NDUFA9: variants seen among roughly 807,000 people sequenced by gnomAD.
The protein encoded by NDUFA9 is NADH dehydrogenase [ubiquinone] 1 alpha subcomplex subunit 9, mitochondrial.
In NDUFA9, 23 loss-of-function variants were observed where a neutral mutation model predicts 45.9. That is an observed-to-expected ratio of 0.50 (90% CI 0.36 to 0.71). The LOEUF (loss-of-function observed/expected upper bound fraction) is 0.71. Ranked by LOEUF, NDUFA9 falls within the 30% of genes least tolerant of loss-of-function variation. The pLI is 0.00. For synonymous variants in NDUFA9, 176 were observed against 170.5 expected (o/e 1.03, Z -0.25); for missense variants, 466 against 488.2 (o/e 0.95, Z 0.43).
At chr12:4,672,159 A>G (rs1304295395) in intron 8 of NDUFA9, among the ~76,000 whole-genome samples, 4 of 152,168 alleles carry the variant, frequency 2.6e-5, no homozygotes, top group South Asian at 2.1e-4. Flanking sequence ...TCCCTCTCCT[A>G]GCCAAGGGAA....
In NDUFA9 at chr12:4,655,942, AG is replaced by A. The variant is rs144456838; in HGVS notation, c.318+1021del. ...GAGTTGTGCTGCCCCAAATGCCTGC[AG>A]CCAAGCTATTGATTGCGATACTGTC... is the stretch of plus-strand genomic sequence containing the variant. On this transcript the variant is annotated intron_variant, in intron 3 of 10. Coordinates refer to ENST00000266544, the MANE Select transcript of NDUFA9 (RefSeq NM_005002.5). 5.3e-5 allele frequency: 8 copies of A among 152,314 alleles called. No homozygotes were observed. The East Asian group carries it at 1.5e-3, about 29-fold the overall frequency. 9.4% of individuals were successfully genotyped at this position (152,314 alleles called of 1,614,324 possible).
rs1270886109 is a variant in NDUFA9 at position 4,691,558 on chromosome 12, G to A, written c.*4450G>A. ...TAGAAGGTCTTGGAGTGAATGGGAG[G>A]TATAGTGGAATGGAGGGCGTATTTG... On this transcript the variant is annotated 3_prime_UTR_variant, in exon 11 of 11. Coordinates refer to ENST00000266544, the MANE Select transcript of NDUFA9 (RefSeq NM_005002.5). The A allele has an allele frequency of 6.6e-6, 1 of 152,244 alleles. No homozygotes were observed. Among genetic ancestry groups the A allele is most frequent in the African/African-American group, 2.4e-5 (1 of 41,456 alleles). 9.4% of individuals were successfully genotyped at this position (152,244 alleles called of 1,614,324 possible). A position where few individuals can be genotyped will look rare whatever the true frequency, so the allele number is the denominator to read the frequency against.
chr12:4,684,863 A>G (rs1945975655), intron 9 of NDUFA9: 1 of 478,692 alleles, frequency 2.1e-6, no homozygotes, highest in African/African-American at 2.0e-5. Context: ...TGTATATTTT[A>G]CACACCATTC....
At position 4,689,806 on chromosome 12, in the gene NDUFA9, C is replaced by T. The variant is rs1165274843; in HGVS notation, c.*2698C>T. 1.7e-5 allele frequency: 3 copies of T among 178,510 alleles called. No individual in the cohort carries two copies. Among genetic ancestry groups the T allele is most frequent in the Non-Finnish European group, 3.4e-5 (3 of 87,102 alleles). The allele number at this position is 178,510 out of a possible 1,614,324, so 11.1% of individuals were successfully genotyped here. A position where few individuals can be genotyped will look rare whatever the true frequency, so the allele number is the denominator to read the frequency against. On this transcript the variant is annotated 3_prime_UTR_variant, in exon 11 of 11. Coordinates refer to ENST00000266544, the MANE Select transcript of NDUFA9 (RefSeq NM_005002.5). ...GTCATCATGGCCCGTTCTCAATGAG[C>T]TGTTGGGTACACCTCCCAGACGTGG...
At chr12:4,669,958 G>A in intron 8 of NDUFA9, 141 bp downstream of exon 8, 1 of 659,592 alleles carries the variant, frequency 1.5e-6, no homozygotes, top group Non-Finnish European at 2.7e-6. Flanking sequence ...AGAATTTGAG[G>A]GAACCTGGAA....
chr12:4,682,124 A>G (rs1239498975), intron 8 of NDUFA9, 81 bp from the exon 9 acceptor site: 3 of 1,084,932 alleles, frequency 2.8e-6, no homozygotes, highest in East Asian at 4.8e-5. Context: ...TTCCTTTTTT[A>G]TAAGGAAAAT....
chr12:4,667,239 C>T (rs529264248), intron 6 of NDUFA9, among the ~76,000 whole-genome samples: 2 of 152,218 alleles, frequency 1.3e-5, no homozygotes, highest in Non-Finnish European at 2.9e-5. Context: ...TAATCCTATT[C>T]ATGAGGGAGC....
chr12:4,661,503 G>T (rs11610038), intron 5 of NDUFA9, among the ~76,000 whole-genome samples: 2,536 of 152,092 alleles, frequency 0.017, 41 homozygotes, highest in Non-Finnish European at 0.025. Context: ...CAAGACAGTG[G>T]GAGTGCATGG....
At chr12:4,678,309 A>G (rs1351499270) in intron 8 of NDUFA9, among the ~76,000 whole-genome samples, 2 of 152,160 alleles carry the variant, frequency 1.3e-5, no homozygotes, top group Admixed American at 6.5e-5. Flanking sequence ...ATTGGTAAAA[A>G]TGTAAAAAAA....
chr12:4,652,099 T>C (rs1945762767), intron 1 of NDUFA9, among the ~76,000 whole-genome samples: 1 of 152,230 alleles, frequency 6.6e-6, no homozygotes, highest in Non-Finnish European at 1.5e-5. Flanking sequence ...AGAACAGTCA[T>C]TTTCCCACCA....
intron 3 of NDUFA9, among the ~76,000 whole-genome samples, chr12:4,656,243 C>T (rs1042735942): frequency 2.0e-5 from 3 of 152,128 alleles, no homozygotes; most frequent in South Asian, 4.1e-4. Flanking sequence ...TTTTCTTCTC[C>T]AAAATCTTAC....
intron 6 of NDUFA9, among the ~76,000 whole-genome samples, chr12:4,666,302 T>C (rs1304580012): frequency 6.6e-6 from 1 of 152,200 alleles, no homozygotes; most frequent in Non-Finnish European, 1.5e-5. Context: ...TTATCAGATA[T>C]GTGATTTGTA....
chr12:4,654,456 C>T lies in NDUFA9; in HGVS notation c.214C>T (p.His72Tyr). ...TGFLGRYVVN[H>Y]LGRMGSQVII... Reference sequence around the variant, plus strand: ...ATTCCTGGGGCGATATGTTGTCAACCACCTTGGTAAGTAAAGTTCCTTAAG... The same window carrying T: ...ATTCCTGGGGCGATATGTTGTCAACTACCTTGGTAAGTAAAGTTCCTTAAG... The change falls in exon 2 of 11, where the codon CAC becomes TAC. Residue 72 changes from histidine to tyrosine, a missense_variant. Coordinates refer to ENST00000266544, the MANE Select transcript of NDUFA9 (RefSeq NM_005002.5). 1 of 1,613,990 alleles carries T rather than the reference C, an allele frequency of 6.2e-7. No homozygotes were observed. Among genetic ancestry groups the T allele is most frequent in the Non-Finnish European group, 8.5e-7 (1 of 1,179,926 alleles).
chr12:4,664,716 G>A (rs1220809657), intron 6 of NDUFA9, among the ~76,000 whole-genome samples: 2 of 152,198 alleles, frequency 1.3e-5, no homozygotes, highest in Non-Finnish European at 2.9e-5. Context: ...CCGCTTCAGT[G>A]GGTCCTGAAG....
chr12:4,682,387 G>A (rs1945958887), intron 9 of NDUFA9, 87 bp downstream of exon 9: 1 of 872,984 alleles, frequency 1.1e-6, no homozygotes, highest in African/African-American at 1.7e-5. Flanking sequence ...GTTATAGGGT[G>A]TGTGAAGGGC....
intron 7 of NDUFA9, among the ~76,000 whole-genome samples, chr12:4,669,271 C>T (rs537837270): frequency 6.6e-6 from 1 of 152,324 alleles, no homozygotes; most frequent in South Asian, 2.1e-4. Flanking sequence ...GCCAAAATCA[C>T]TATTACTATT....
At chr12:4,649,991 A>G (rs1293387919) in intron 1 of NDUFA9, among the ~76,000 whole-genome samples, 1 of 152,224 alleles carries the variant, frequency 6.6e-6, no homozygotes, top group African/African-American at 2.4e-5. Flanking sequence ...CCACAAACAT[A>G]TTCCAATCAA....
intron 8 of NDUFA9, among the ~76,000 whole-genome samples, chr12:4,672,208 T>A (rs572421955): frequency 1.3e-5 from 2 of 152,216 alleles, no homozygotes; most frequent in Non-Finnish European, 2.9e-5. Flanking sequence ...GCCCAGATAC[T>A]GCGCTTTTCC....
intron 6 of NDUFA9, among the ~76,000 whole-genome samples, chr12:4,667,348 A>C (rs2137473138): frequency 6.6e-6 from 1 of 152,182 alleles, no homozygotes; most frequent in East Asian, 1.9e-4. Context: ...TAACAATATT[A>C]AGTCTTCCAT....
Sources: gnomAD v4.1 joint callset for allele counts (sites outside exome capture counted in the v4.1 genomes callset) on GRCh38, gnomAD v4.1.1 for gene constraint, MANE v1.5 for transcripts, NCBI Gene and HGNC (gene_info 2026-07-23, HGNC 2026-07-21) for gene names.